Variants in SPSB4 observed in about 807,000 individuals in gnomAD.
SPSB4 encodes splA/ryanodine receptor domain and SOCS box containing 4.
A neutral mutation model predicts 20.9 loss-of-function variants in SPSB4; 21 were observed. The ratio of observed to expected loss-of-function variants is 1.01; its 90% confidence interval spans 0.71 to 1.45. The LOEUF (loss-of-function observed/expected upper bound fraction) is 1.45. Ranked by LOEUF, SPSB4 falls within the 40% of genes most tolerant of loss-of-function variation. The probability of loss-of-function intolerance (pLI) is 0.00; values close to 1 mark genes in which losing one functional copy is unlikely to be tolerated. For synonymous variants in SPSB4, 207 were observed against 183.8 expected (o/e 1.13, Z -1.02); for missense variants, 399 against 399.2 (o/e 1.00, Z 0.00).
intron 2 of SPSB4, among the ~76,000 whole-genome samples, chr3:141,094,788 GC>G (rs563156606): frequency 0.018 from 1,236 of 68,508 alleles, 19 homozygotes; most frequent in African/African-American, 0.068. Flanking sequence ...CCGCCCCTTT[GC>G]CCCCCTGGGA....
chr3:141,117,048 GAT>G (rs1938890288), intron 2 of SPSB4: 1 of 152,172 alleles, frequency 6.6e-6, no homozygotes. Flanking sequence ...TGTGGTTATT[GAT>G]GTAGAAGCAT....
chr3:141,139,068 G>C (rs990798078), intron 2 of SPSB4, among the ~76,000 whole-genome samples: 6 of 152,034 alleles, frequency 3.9e-5, no homozygotes, highest in Non-Finnish European at 8.8e-5. Context: ...CTTGTTGGAT[G>C]GATCCCTTTA....
chr3:141,138,594 C>T (rs2107807183), intron 2 of SPSB4, among the ~76,000 whole-genome samples: 1 of 152,224 alleles, frequency 6.6e-6, no homozygotes, highest in South Asian at 2.1e-4. Flanking sequence ...CCTTGTGAAC[C>T]CAGTAGTCAT....
intron 2 of SPSB4, among the ~76,000 whole-genome samples, chr3:141,097,024 T>C (rs1009103021): frequency 6.6e-6 from 1 of 152,248 alleles, no homozygotes; most frequent in African/African-American, 2.4e-5. Context: ...TCTTTGTGCA[T>C]GGCTTCTAAA....
chr3:141,091,974 C>G (rs1022631727), intron 2 of SPSB4, among the ~76,000 whole-genome samples: 1 of 152,170 alleles, frequency 6.6e-6, no homozygotes, highest in African/African-American at 2.4e-5. Context: ...GCCTGCTCAG[C>G]CCAGATGCTG....
intron 2 of SPSB4, among the ~76,000 whole-genome samples, chr3:141,102,987 C>T (rs572748605): frequency 6.6e-6 from 1 of 152,288 alleles, no homozygotes; most frequent in East Asian, 1.9e-4. Context: ...TTTCCTGCAG[C>T]CCAAACCAGA....
chr3:141,107,757 G>A (rs914741370), intron 2 of SPSB4, among the ~76,000 whole-genome samples: 1 of 152,140 alleles, frequency 6.6e-6, no homozygotes, highest in African/African-American at 2.4e-5. Flanking sequence ...AGGAGTTCAA[G>A]ACCAGCCTGG....
intron 2 of SPSB4, among the ~76,000 whole-genome samples, chr3:141,146,884 T>A (rs1043612062): frequency 1.2e-4 from 19 of 152,176 alleles, no homozygotes; most frequent in East Asian, 3.9e-4. Flanking sequence ...TCTCTTTTTT[T>A]AAAAAAAATT....
At chr3:141,097,542 G>A (rs1200967578) in intron 2 of SPSB4, among the ~76,000 whole-genome samples, 1 of 152,140 alleles carries the variant, frequency 6.6e-6, no homozygotes, top group East Asian at 1.9e-4. Context: ...ACAGGCATGA[G>A]CCACCGTGCT....
chr3:141,135,097 C>T (rs1939204033), intron 2 of SPSB4, among the ~76,000 whole-genome samples: 1 of 151,898 alleles, frequency 6.6e-6, no homozygotes, highest in Admixed American at 6.6e-5. Context: ...CCATCTCACC[C>T]CCAAGTAACC....
intron 2 of SPSB4, among the ~76,000 whole-genome samples, chr3:141,088,612 A>G (rs1211695831): frequency 6.6e-6 from 1 of 152,136 alleles, no homozygotes; most frequent in Non-Finnish European, 1.5e-5. Flanking sequence ...ACCCTTGGGG[A>G]TACCCCTCAA....
chr3:141,147,263 C>T lies in SPSB4; in HGVS notation c.816C>T (p.Tyr272=), dbSNP rs369565385. The change falls in exon 3 of 3, where the codon TAC becomes TAT. Residue 272 remains tyrosine, a synonymous_variant. Transcript: ENST00000310546. The stretch of plus-strand genomic sequence containing the variant: ...AGTCTCTCAAAAACTATCTGCAGTA[C>T]CAGTGAGCCAAGCCTGATGGGCAGC... ...LPQSLKNYLQ[Y]Q 1.9e-5 allele frequency: 31 copies of T among 1,614,104 alleles called. No homozygotes were observed. The highest frequency in any genetic ancestry group is 2.7e-5 in the African/African-American group (2 of 74,926).
chr3:141,065,287 C>T lies in SPSB4; in HGVS notation c.-153-665C>T, dbSNP rs915036131. Among the ~76,000 whole-genome samples the T allele has an allele frequency of 8.5e-5, 13 of 152,204 alleles. No homozygotes were observed. The East Asian group carries it at 1.3e-3, about 16-fold the overall frequency. ...ATGGAGCTCTCACCCCATCTTCCCA[C>T]GCTGCCTGATGTCCATGTCCCTGGT... On this transcript the variant is annotated intron_variant, in intron 1 of 2. Transcript: ENST00000310546.
intron 2 of SPSB4, among the ~76,000 whole-genome samples, chr3:141,112,384 G>A (rs941900389): frequency 5.3e-5 from 8 of 152,084 alleles, no homozygotes; most frequent in Non-Finnish European, 8.8e-5. Context: ...GGTGGCTCAC[G>A]CCTGTAATCC....
intron 2 of SPSB4, among the ~76,000 whole-genome samples, chr3:141,099,988 A>T (rs936141242): frequency 6.6e-6 from 1 of 152,176 alleles, no homozygotes; most frequent in Non-Finnish European, 1.5e-5. Flanking sequence ...AGTGGCTGTC[A>T]TCAGCCATAC....
In SPSB4 at chr3:141,147,127, TC is replaced by T; in HGVS notation, c.695-12del. On this transcript the variant is annotated splice_polypyrimidine_tract_variant and intron_variant, in intron 2 of 2. Transcript: ENST00000310546. ...TGGCACAGGGCACACTCTAACTGCT[TC>T]CCTCTCATTGCAGCCGAGCCCCTGC... 6.2e-7 allele frequency: 1 copy of T among 1,613,478 alleles called. No individual in the cohort carries two copies. The highest frequency in any genetic ancestry group is 1.1e-5 in the South Asian group (1 of 91,036).
chr3:141,057,082 C>A (rs188005453), intron 1 of SPSB4, among the ~76,000 whole-genome samples: 1 of 152,204 alleles, frequency 6.6e-6, no homozygotes, highest in East Asian at 1.9e-4. Flanking sequence ...GGAAAACAGG[C>A]GTGAGATGAT....
At chr3:141,145,570 A>G (rs1403189312) in intron 2 of SPSB4, among the ~76,000 whole-genome samples, 1 of 152,216 alleles carries the variant, frequency 6.6e-6, no homozygotes, top group Non-Finnish European at 1.5e-5. Context: ...TATTCCTATC[A>G]CAACTCTTGT....
chr3:141,141,041 T>C (rs899054098), intron 2 of SPSB4, among the ~76,000 whole-genome samples: 3 of 152,184 alleles, frequency 2.0e-5, no homozygotes, highest in African/African-American at 7.2e-5. Context: ...TGGGCACCCC[T>C]CCCCCAGCCT....
Sources: allele counts gnomAD v4.1 joint callset (sites outside exome capture counted in the v4.1 genomes callset), GRCh38; gene constraint gnomAD v4.1.1; transcripts MANE v1.5; gene names NCBI Gene and HGNC (gene_info 2026-07-23, HGNC 2026-07-21).